The following GALNT13 variants were observed in gnomAD, a reference collection of about 807,000 sequenced individuals.
The protein encoded by GALNT13 is polypeptide N-acetylgalactosaminyltransferase 13.
In GALNT13, 28 loss-of-function variants were observed where a neutral mutation model predicts 64.2. The ratio of observed to expected loss-of-function variants is 0.44; its 90% confidence interval spans 0.32 to 0.60. GALNT13 has a LOEUF of 0.60. GALNT13 is among the 20% of genes least tolerant of loss of function. GALNT13 has a pLI of 0.05. For missense variants in GALNT13, 577 were observed against 669.8 expected, an observed-to-expected ratio of 0.86 and a Z score of 1.53; for synonymous variants, 214 against 224.6, an observed-to-expected ratio of 0.95 and a Z score of 0.42.
the GALNT13 span, among the ~76,000 whole-genome samples, chr2:153,686,575 G>GT: frequency 6.6e-6 from 1 of 151,902 alleles, no homozygotes; most frequent in Admixed American, 6.6e-5. Context: ...ATAGGAACAC[G>GT]TTGTCCACAA....
At chr2:153,516,896 A>G in the GALNT13 span, among the ~76,000 whole-genome samples, 149 of 151,936 alleles carry the variant, frequency 9.8e-4, no homozygotes, top group Admixed American at 2.8e-3. Flanking sequence ...GTGCTCTCTT[A>G]TCCTCCCCAC....
chr2:154,060,877 G>A (rs1700144097), intron 3 of GALNT13, among the ~76,000 whole-genome samples: 1 of 152,042 alleles, frequency 6.6e-6, no homozygotes, highest in Non-Finnish European at 1.5e-5. Flanking sequence ...GGGGGACACA[G>A]CAAGCTATAG....
At chr2:153,710,468 A>G in the GALNT13 span, among the ~76,000 whole-genome samples, 1 of 152,144 alleles carries the variant, frequency 6.6e-6, no homozygotes, top group Non-Finnish European at 1.5e-5. Flanking sequence ...AAGGATCTCA[A>G]TAAGTCCCAA....
At chr2:154,402,452 T>C (rs1226672177) in intron 10 of GALNT13, among the ~76,000 whole-genome samples, 1 of 152,186 alleles carries the variant, frequency 6.6e-6, no homozygotes, top group African/African-American at 2.4e-5. Context: ...GCCCTCAAGT[T>C]TGTGTCATTA....
chr2:153,473,124 C>T, the GALNT13 span, among the ~76,000 whole-genome samples: 1,342 of 151,968 alleles, frequency 8.8e-3, 23 homozygotes, highest in African/African-American at 0.029. Flanking sequence ...CATGGCAGTA[C>T]GTGTATACCT....
intron 9 of GALNT13, among the ~76,000 whole-genome samples, chr2:154,339,069 G>A (rs1409082403): frequency 6.6e-6 from 1 of 152,026 alleles, no homozygotes; most frequent in Non-Finnish European, 1.5e-5. Flanking sequence ...AACTCATTAG[G>A]CAAATGTTTA....
downstream of GALNT13, among the ~76,000 whole-genome samples, chr2:154,456,191 T>TTTGTTGTTGTTGTTGTTG (rs70983725): frequency 8.3e-3 from 1,220 of 146,334 alleles, 9 homozygotes; most frequent in Non-Finnish European, 0.011. Flanking sequence ...TTTGTTTTGT[T>TTTGTTGTTGTTGTTGTTG]TTGTTGTTGT....
chr2:154,056,416 G>A (rs898914734), intron 3 of GALNT13, among the ~76,000 whole-genome samples: 1 of 152,076 alleles, frequency 6.6e-6, no homozygotes, highest in African/African-American at 2.4e-5. Flanking sequence ...GCCTGTCCTA[G>A]GATGTAGTTA....
intron 3 of GALNT13, among the ~76,000 whole-genome samples, chr2:154,065,086 C>T (rs938411430): frequency 6.6e-6 from 1 of 152,064 alleles, no homozygotes; most frequent in Non-Finnish European, 1.5e-5. Flanking sequence ...TTGCTGGTAG[C>T]CTGGCACAAC....
the GALNT13 span, among the ~76,000 whole-genome samples, chr2:153,282,254 TTA>T: frequency 3.3e-5 from 5 of 152,210 alleles, no homozygotes; most frequent in African/African-American, 1.2e-4. Context: ...TTTAAGATAT[TTA>T]TCTCTTTCTT....
At chr2:154,258,976 T>C (rs374093719) in intron 7 of GALNT13, 45 bp from the exon 8 acceptor site, 2 of 1,010,244 alleles carry the variant, frequency 2.0e-6, no homozygotes, top group Non-Finnish European at 3.1e-6. Context: ...ACTCCATACA[T>C]TGTTTTCAAA....
chr2:153,603,936 T>C, the GALNT13 span, among the ~76,000 whole-genome samples: 1 of 152,160 alleles, frequency 6.6e-6, no homozygotes, highest in Non-Finnish European at 1.5e-5. Flanking sequence ...TGTCATTATC[T>C]GCTGTGTCTT....
At chr2:153,690,968 T>C in the GALNT13 span, among the ~76,000 whole-genome samples, 1 of 152,238 alleles carries the variant, frequency 6.6e-6, no homozygotes, top group Admixed American at 6.5e-5. Context: ...CTCAGTCAAA[T>C]GTCCACGAGA....
the GALNT13 span, among the ~76,000 whole-genome samples, chr2:153,198,777 T>A: frequency 6.6e-6 from 1 of 152,232 alleles, no homozygotes; most frequent in African/African-American, 2.4e-5. Flanking sequence ...ACAAGGTGAT[T>A]GAAGATATCA....
At chr2:153,480,471 A>G in the GALNT13 span, among the ~76,000 whole-genome samples, 1 of 152,168 alleles carries the variant, frequency 6.6e-6, no homozygotes, top group Non-Finnish European at 1.5e-5. Flanking sequence ...GGCTTCTACC[A>G]CAATTCACTG....
intron 4 of GALNT13, among the ~76,000 whole-genome samples, chr2:154,189,473 A>C (rs74768305): frequency 3.0e-5 from 1 of 33,652 alleles, no homozygotes; most frequent in South Asian, 1.1e-3. Context: ...CGTGCACACC[A>C]AAAAAAAAAA....
intron 3 of GALNT13, among the ~76,000 whole-genome samples, chr2:153,976,933 C>T (rs1694112148): frequency 6.6e-6 from 1 of 152,072 alleles, no homozygotes; most frequent in Admixed American, 6.6e-5. Context: ...TCCATCTACA[C>T]ATTTTTTAAG....
Position 154,015,662 on chromosome 2 carries a change from G to C in GALNT13, c.142+71023G>C, listed in dbSNP as rs527360121. Reference sequence around the variant, plus strand: ...CCTTCTCCTACTTTAATTATACTATGTTTGGAAGAAATGAATGAAAACTTA... The same window carrying C: ...CCTTCTCCTACTTTAATTATACTATCTTTGGAAGAAATGAATGAAAACTTA... On this transcript the variant is annotated intron_variant, in intron 3 of 12. Coordinates refer to ENST00000392825, the MANE Select transcript of GALNT13 (RefSeq NM_052917.4). Among the ~76,000 whole-genome samples, 40 of 152,146 alleles carry C rather than the reference G, an allele frequency of 2.6e-4. No homozygotes were observed. In the South Asian group the frequency reaches 8.1e-3, roughly 31 times the overall value.
chr2:153,783,122 G>A, the GALNT13 span, among the ~76,000 whole-genome samples: 1 of 152,180 alleles, frequency 6.6e-6, no homozygotes, highest in East Asian at 1.9e-4. Context: ...TAAATCTAAA[G>A]TTTAAGAGTG....
Sources: allele counts gnomAD v4.1 joint callset (sites outside exome capture counted in the v4.1 genomes callset), GRCh38; gene constraint gnomAD v4.1.1; transcripts MANE v1.5; gene names NCBI Gene and HGNC (gene_info 2026-07-23, HGNC 2026-07-21).